Variants in GPC6 observed in about 807,000 individuals in gnomAD.
GPC6 encodes the protein glypican-6.
In GPC6, 14 loss-of-function variants were observed where a neutral mutation model predicts 55.2. The observed-to-expected ratio is 0.25, with a 90% CI of 0.17 to 0.40. The LOEUF (loss-of-function observed/expected upper bound fraction) is 0.40, where lower values mean the gene tolerates loss of function less well. Among genes scored for constraint, GPC6 ranks in the 10% least tolerant of loss-of-function variants. The pLI, the probability that GPC6 is intolerant of heterozygous loss-of-function variation, is 1.00. For missense variants in GPC6, 641 were observed against 708.5 expected (o/e 0.90, Z 1.08); for synonymous variants, 278 against 259.6 (o/e 1.07, Z -0.68).
intron 1 of GPC6, among the ~76,000 whole-genome samples, chr13:93,383,511 C>G (rs898648620): frequency 1.3e-5 from 2 of 152,170 alleles, no homozygotes; most frequent in Admixed American, 6.5e-5. Flanking sequence ...CCCATTGTGC[C>G]CAGCTGAAAT....
intron 6 of GPC6, among the ~76,000 whole-genome samples, chr13:94,355,272 G>A (rs578003719): frequency 2.0e-4 from 30 of 151,996 alleles, no homozygotes; most frequent in Admixed American, 1.4e-3. Flanking sequence ...ATCCTCCCGC[G>A]TCGGCCTCCC....
intron 6 of GPC6, among the ~76,000 whole-genome samples, chr13:94,347,806 A>G (rs1178147241): frequency 6.6e-6 from 1 of 152,236 alleles, no homozygotes; most frequent in Non-Finnish European, 1.5e-5. Flanking sequence ...AATATACTCC[A>G]CATTTAATCA....
chr13:94,109,264 G>A (rs990988985), intron 4 of GPC6, among the ~76,000 whole-genome samples: 1 of 152,142 alleles, frequency 6.6e-6, no homozygotes, highest in Admixed American at 6.5e-5. Context: ...AAGGATGACA[G>A]AATTCTTGTA....
intron 2 of GPC6, among the ~76,000 whole-genome samples, chr13:93,600,949 C>CAAAAAAA (rs1196219049): frequency 3.7e-5 from 1 of 27,022 alleles, no homozygotes; most frequent in African/African-American, 1.2e-4. Context: ...AATTCCGCCT[C>CAAAAAAA]AAAAAAAAAA....
At chr13:93,648,434 T>C (rs16949085) in intron 2 of GPC6, among the ~76,000 whole-genome samples, 7,785 of 152,254 alleles carry the variant, frequency 0.051, 688 homozygotes, top group African/African-American at 0.18. Context: ...TTACTGAAAT[T>C]GTAGCATGAA....
intron 2 of GPC6, among the ~76,000 whole-genome samples, chr13:93,685,257 G>C (rs1397976391): frequency 6.6e-6 from 1 of 152,192 alleles, no homozygotes; most frequent in African/African-American, 2.4e-5. Context: ...AGCTTTGGCT[G>C]TTCCAGGTAG....
intron 7 of GPC6, among the ~76,000 whole-genome samples, chr13:94,396,092 C>T (rs750719045): frequency 3.3e-5 from 5 of 152,198 alleles, no homozygotes; most frequent in Non-Finnish European, 7.3e-5. Flanking sequence ...AGTTCTTGTT[C>T]ATTCCACTAA....
At chr13:93,225,323 A>T (rs1875733336), upstream of GPC6, among the ~76,000 whole-genome samples, 2 of 152,216 alleles carry the variant, frequency 1.3e-5, no homozygotes, top group Non-Finnish European at 2.9e-5. Flanking sequence ...CCACAAACAT[A>T]ACCAGAATAT....
chr13:93,627,074 A>G (rs184644608), intron 2 of GPC6, among the ~76,000 whole-genome samples: 285 of 152,092 alleles, frequency 1.9e-3, no homozygotes, highest in Admixed American at 4.5e-3. Context: ...TTACATAGGT[A>G]TACACATGCC....
intron 1 of GPC6, among the ~76,000 whole-genome samples, chr13:93,422,449 TG>T (rs1876957217): frequency 6.6e-6 from 1 of 152,236 alleles, no homozygotes; most frequent in Non-Finnish European, 1.5e-5. Context: ...TGCATGGATG[TG>T]GAATGTGTTG....
At chr13:93,492,399 T>A (rs1419235193) in intron 1 of GPC6, among the ~76,000 whole-genome samples, 13 of 148,342 alleles carry the variant, frequency 8.8e-5, no homozygotes, top group Non-Finnish European at 7.5e-5. Context: ...TGAAGTTGCT[T>A]ATCAGCTTAA....
chr13:93,272,480 C>T (rs1400469848), intron 1 of GPC6, among the ~76,000 whole-genome samples: 4 of 121,706 alleles, frequency 3.3e-5, no homozygotes, highest in Non-Finnish European at 6.6e-5. Context: ...TGAGGTGATT[C>T]ATTGTCTGTG....
intron 1 of GPC6, among the ~76,000 whole-genome samples, chr13:93,532,546 A>C (rs1374512243): frequency 6.6e-6 from 1 of 152,196 alleles, no homozygotes; most frequent in Admixed American, 6.5e-5. Flanking sequence ...GTTAGATGTG[A>C]GAAAAAGAAA....
intron 4 of GPC6, among the ~76,000 whole-genome samples, chr13:94,128,768 T>A (rs143956635): frequency 8.5e-5 from 13 of 152,280 alleles, no homozygotes; most frequent in African/African-American, 3.1e-4. Flanking sequence ...AGCCTCCTAA[T>A]CATTTGTGTG....
chr13:94,067,675 T>C (rs1433746357), intron 4 of GPC6, among the ~76,000 whole-genome samples: 1 of 152,132 alleles, frequency 6.6e-6, no homozygotes, highest in African/African-American at 2.4e-5. Context: ...ATATTTGTGT[T>C]TGTATCCATA....
intron 2 of GPC6, among the ~76,000 whole-genome samples, chr13:93,566,335 T>A (rs963600266): frequency 2.6e-5 from 4 of 152,222 alleles, no homozygotes; most frequent in African/African-American, 9.6e-5. Flanking sequence ...TTGTTAGTGT[T>A]TTTATATAAA....
intron 4 of GPC6, among the ~76,000 whole-genome samples, chr13:94,152,533 G>A (rs921891443): frequency 1.3e-5 from 2 of 151,940 alleles, no homozygotes; most frequent in African/African-American, 4.8e-5. Context: ...GAGTAAGTAG[G>A]TAAAATGTAA....
chr13:94,177,403 G>A (rs552086491), intron 4 of GPC6, among the ~76,000 whole-genome samples: 12 of 151,778 alleles, frequency 7.9e-5, no homozygotes, highest in East Asian at 1.9e-4. Flanking sequence ...AGCATGATAC[G>A]TTAATTATAT....
intron 6 of GPC6, among the ~76,000 whole-genome samples, chr13:94,326,550 A>C (rs952475385): frequency 5.9e-5 from 9 of 152,232 alleles, no homozygotes; most frequent in Admixed American, 1.3e-4. Context: ...TTCTTAGAAC[A>C]GTTTTAGTTT....
Sources: allele counts gnomAD v4.1 joint callset (sites outside exome capture counted in the v4.1 genomes callset), GRCh38; gene constraint gnomAD v4.1.1; transcripts MANE v1.5; gene names NCBI Gene and HGNC (gene_info 2026-07-23, HGNC 2026-07-21).